The following FHIT variants were observed in gnomAD, a reference collection of about 807,000 sequenced individuals.
The protein encoded by FHIT is fragile histidine triad diadenosine triphosphatase.
FHIT carries 19 observed loss-of-function variants against 17.9 expected under a neutral mutation model. The observed-to-expected ratio is 1.06, with a 90% CI of 0.74 to 1.56. The LOEUF is 1.56. FHIT is among the 40% of genes most tolerant of loss of function. The pLI, the probability that FHIT is intolerant of heterozygous loss-of-function variation, is 0.00. For missense variants in FHIT, 248 were observed against 189.2 expected, an observed-to-expected ratio of 1.31 and a Z score of -1.82; for synonymous variants, 81 against 69.7, an observed-to-expected ratio of 1.16 and a Z score of -0.81.
At chr3:61,174,489 T>C (rs1280900537) in intron 2 of FHIT, among the ~76,000 whole-genome samples, 1 of 152,236 alleles carries the variant, frequency 6.6e-6, no homozygotes, top group Non-Finnish European at 1.5e-5. Context: ...TTCATCTGCG[T>C]TGGCAAATTT....
chr3:60,329,470 A>T (rs1709858082), intron 5 of FHIT, among the ~76,000 whole-genome samples: 1 of 152,212 alleles, frequency 6.6e-6, no homozygotes, highest in African/African-American at 2.4e-5. Flanking sequence ...TGCAACTACT[A>T]ATCATAACAG....
chr3:60,332,586 T>C (rs538988711), intron 5 of FHIT, among the ~76,000 whole-genome samples: 20 of 152,300 alleles, frequency 1.3e-4, no homozygotes, highest in South Asian at 6.2e-4. Flanking sequence ...GAATCTCATA[T>C]ACACAGGTGG....
intron 5 of FHIT, among the ~76,000 whole-genome samples, chr3:60,308,822 T>A (rs1708806501): frequency 1.3e-5 from 2 of 152,084 alleles, no homozygotes; most frequent in African/African-American, 2.4e-5. Flanking sequence ...ACTTTTAATG[T>A]GAGGAATGGT....
chr3:59,976,168 T>G lies in FHIT; in HGVS notation c.279+35203A>C, dbSNP rs1434263786. Among the ~76,000 whole-genome samples, 41 of 152,070 alleles carry G rather than the reference T, an allele frequency of 2.7e-4. 1 individual carries two copies. Among genetic ancestry groups the G allele is most frequent in the Non-Finnish European group, 4.4e-5 (3 of 68,002 alleles). ...CTCCCAACAAGTACTGGATGCTGTC[T>G]GGGGGGTAAAGGAAGCTTTCAATAA... On this transcript the variant is annotated intron_variant, in intron 7 of 9. Coordinates refer to ENST00000492590, the MANE Select transcript of FHIT (RefSeq NM_002012.4).
At chr3:60,043,606 G>C (rs1029261786) in intron 5 of FHIT, among the ~76,000 whole-genome samples, 28 of 152,224 alleles carry the variant, frequency 1.8e-4, no homozygotes, top group African/African-American at 6.7e-4. Flanking sequence ...TCAACCTTTT[G>C]AACCTGAGCA....
intron 5 of FHIT, among the ~76,000 whole-genome samples, chr3:60,378,856 C>G (rs1700687757): frequency 6.6e-6 from 1 of 152,162 alleles, no homozygotes; most frequent in Non-Finnish European, 1.5e-5. Flanking sequence ...AGGTTCATTT[C>G]ATTATCATAA....
intron 4 of FHIT, among the ~76,000 whole-genome samples, chr3:60,602,259 G>C (rs918221334): frequency 1.1e-4 from 16 of 152,120 alleles, no homozygotes; most frequent in African/African-American, 3.4e-4. Context: ...GATAAAACTA[G>C]AGCTGTTCAA....
intron 5 of FHIT, among the ~76,000 whole-genome samples, chr3:60,392,382 A>G (rs183315636): frequency 6.6e-6 from 1 of 152,240 alleles, no homozygotes; most frequent in South Asian, 2.1e-4. Context: ...ATAATTCATT[A>G]TAAGAATAAA....
intron 5 of FHIT, among the ~76,000 whole-genome samples, chr3:60,259,225 C>T (rs1168493500): frequency 6.6e-6 from 1 of 152,080 alleles, no homozygotes; most frequent in Non-Finnish European, 1.5e-5. Context: ...CCTTTCCTAT[C>T]ACCCTTAAAA....
At chr3:60,169,914 T>C (rs867383204) in intron 5 of FHIT, among the ~76,000 whole-genome samples, 5 of 152,138 alleles carry the variant, frequency 3.3e-5, no homozygotes, top group South Asian at 2.1e-4. Flanking sequence ...CCTGCTTCAA[T>C]TGGCAAGAAA....
intron 3 of FHIT, among the ~76,000 whole-genome samples, chr3:60,837,921 T>C (rs996780324): frequency 1.3e-5 from 2 of 152,162 alleles, no homozygotes; most frequent in Non-Finnish European, 1.5e-5. Flanking sequence ...ATTTATAATA[T>C]AATTATTTTA....
intron 4 of FHIT, among the ~76,000 whole-genome samples, chr3:60,804,585 TAGG>T (rs376710823): frequency 3.3e-5 from 5 of 152,366 alleles, no homozygotes; most frequent in African/African-American, 1.2e-4. Context: ...ATAATGTACA[TAGG>T]ACAATGCCTG....
chr3:60,135,323 G>A (rs945253155), intron 5 of FHIT, among the ~76,000 whole-genome samples: 2 of 152,034 alleles, frequency 1.3e-5, no homozygotes, highest in African/African-American at 4.8e-5. Context: ...GATTATAGGC[G>A]AGAAAATGCT....
chr3:60,061,213 G>C (rs144714838), intron 5 of FHIT, among the ~76,000 whole-genome samples: 4 of 152,316 alleles, frequency 2.6e-5, no homozygotes, highest in African/African-American at 9.6e-5. Flanking sequence ...TGGTTTAAGA[G>C]AGCAGATCCA....
At chr3:60,383,877 T>C (rs895668368) in intron 5 of FHIT, among the ~76,000 whole-genome samples, 4 of 151,970 alleles carry the variant, frequency 2.6e-5, no homozygotes, top group African/African-American at 9.7e-5. Context: ...GTTCTCACTG[T>C]CAAAAAAGAC....
intron 4 of FHIT, among the ~76,000 whole-genome samples, chr3:60,619,615 AAAAAAAAAAAAAG>A: frequency 7.2e-6 from 1 of 138,544 alleles, no homozygotes; most frequent in Non-Finnish European, 1.6e-5. Flanking sequence ...AAAAAAAAAA[AAAAAAAAAAAAAG>A]AATCTAGACA....
In FHIT at chr3:60,836,864, T is replaced by C. The variant is rs782786511; in HGVS notation, c.-110-14853A>G. On this transcript the variant is annotated intron_variant, in intron 3 of 9. Coordinates refer to ENST00000492590, the MANE Select transcript of FHIT (RefSeq NM_002012.4). The stretch of plus-strand genomic sequence containing the variant: ...CTAAGTATAATATCTGTGTGTCTTG[T>C]TCTGGTAGCTATCTTGGGTCTCAGT... Among the ~76,000 whole-genome samples, 30 of 152,312 alleles carry C rather than the reference T, an allele frequency of 2.0e-4. No individual in the cohort carries two copies. The South Asian group carries it at 4.1e-3, about 21-fold the overall frequency.
intron 3 of FHIT, among the ~76,000 whole-genome samples, chr3:60,855,177 C>A (rs782109689): frequency 1.3e-5 from 2 of 152,098 alleles, no homozygotes; most frequent in East Asian, 1.9e-4. Context: ...CAAATTCTGA[C>A]GGGCAGCATG....
chr3:60,383,710 T>C (rs1338496210), intron 5 of FHIT, among the ~76,000 whole-genome samples: 4 of 152,118 alleles, frequency 2.6e-5, no homozygotes, highest in Admixed American at 2.0e-4. Flanking sequence ...ACCAAGTCCA[T>C]GTGACCATTT....
Sources: allele counts gnomAD v4.1 joint callset (sites outside exome capture counted in the v4.1 genomes callset), GRCh38; gene constraint gnomAD v4.1.1; transcripts MANE v1.5; gene names NCBI Gene and HGNC (gene_info 2026-07-23, HGNC 2026-07-21).